The following CRTC1 variants were observed in gnomAD, a reference collection of about 807,000 sequenced individuals.
CRTC1 encodes the protein CREB regulated transcription coactivator 1.
A neutral mutation model predicts 66.1 loss-of-function variants in CRTC1; 18 were observed. The ratio of observed to expected loss-of-function variants is 0.27; its 90% CI spans 0.19 to 0.40. The LOEUF (loss-of-function observed/expected upper bound fraction) is 0.40. CRTC1 is among the 10% of genes least tolerant of loss of function. CRTC1 has a pLI of 1.00. For synonymous variants in CRTC1, 416 were observed against 398.8 expected (o/e 1.04, Z -0.51); for missense variants, 669 against 887.9 (o/e 0.75, Z 3.13).
In CRTC1 at chr19:18,781,116, T is replaced by C. The variant is rs889298387; in HGVS notation, c.*3734T>C. ...GTCTCAGAGGCCGAGGGGCCCTCTG[T>C]GTGGGGGTGGGACGCAGGGGCTCTC... On this transcript the variant is annotated 3_prime_UTR_variant, in exon 14 of 14. Transcript: ENST00000321949. 8.8e-6 allele frequency: 2 copies of C among 227,308 alleles called. No individual in the cohort carries two copies. The highest frequency in any genetic ancestry group is 1.7e-5 in the Non-Finnish European group (2 of 114,414). 14.1% of individuals were successfully genotyped at this position (227,308 alleles called of 1,614,324 possible). A position where few individuals can be genotyped will look rare whatever the true frequency, so the allele number is the denominator to read the frequency against.
Position 18,777,731 on chromosome 19 carries a change from C to T in CRTC1, c.*349C>T. On this transcript the variant is annotated 3_prime_UTR_variant, in exon 14 of 14. Coordinates refer to ENST00000321949, the MANE Select transcript of CRTC1 (RefSeq NM_015321.3). This position sits in a 1 kb window ranked among gnomAD's most constrained non-coding sequence, Gnocchi z 5.5. Reference sequence around the variant, plus strand: ...AAGTGTCAGCTCCCGGCGTGGCGGGCAGGCTCAGGGGAGGGGCGCGCATGG... The same window carrying T: ...AAGTGTCAGCTCCCGGCGTGGCGGGTAGGCTCAGGGGAGGGGCGCGCATGG... The T allele has an allele frequency of 2.8e-6, 1 of 362,782 alleles. No individual in the cohort carries two copies. The highest frequency in any genetic ancestry group is 5.1e-6 in the Non-Finnish European group (1 of 197,184). The allele number at this position is 362,782 out of a possible 1,614,324, so 22.5% of individuals were successfully genotyped here.
At chr19:18,753,053 C>G (rs544786502) in intron 5 of CRTC1, among the ~76,000 whole-genome samples, 6 of 151,878 alleles carry the variant, frequency 4.0e-5, no homozygotes, top group African/African-American at 1.4e-4. Flanking sequence ...ATCATGAGGT[C>G]AGGAGATCGA....
rs764846787 is a variant in CRTC1 at position 18,747,133 on chromosome 19, C to CA, written c.443+19_443+20insA. On this transcript the variant is annotated intron_variant, in intron 4 of 13. Transcript: ENST00000321949. ...GGAGAAGGTCAGTGGCTGGACACCCCCCCCCCGCCCCCTTCTTGTTGGAAA... is the reference window on the plus strand; with the variant it reads ...GGAGAAGGTCAGTGGCTGGACACCCCACCCCCCGCCCCCTTCTTGTTGGAAA... 6 of 815,218 alleles carry CA rather than the reference C, an allele frequency of 7.4e-6. No homozygotes were observed. The highest frequency in any genetic ancestry group is 6.7e-5 in the South Asian group (5 of 74,676). 50.5% of individuals were successfully genotyped at this position (815,218 alleles called of 1,614,324 possible). A position where few individuals can be genotyped will look rare whatever the true frequency, so the allele number is the denominator to read the frequency against.
rs1478283969 is a variant in CRTC1 at position 18,760,098 on chromosome 19, C to A, written c.756C>A (p.Ile252=). The change falls in exon 8 of 14, where the codon ATC becomes ATA. Residue 252 remains isoleucine (I), a synonymous_variant. Transcript: ENST00000321949. The surrounding 1 kb of genome is among the most constrained non-coding windows in gnomAD (Gnocchi z 6.2). ...TGGSLPDLTN[I]HFPSPLPTPL... ...GGTCCCTGCCCGACCTGACCAACAT[C>A]CACTTCCCCTCCCCGCTCCCGACCC... The A allele has an allele frequency of 1.2e-6, 2 of 1,613,926 alleles. No individual in the cohort carries two copies. Among genetic ancestry groups the A allele is most frequent in the East Asian group, 2.2e-5 (1 of 44,874 alleles).
rs930875670 is a variant in CRTC1 at position 18,694,564 on chromosome 19, C to A, written c.126+10736C>A. ...CCTCCCACCTCAGCCCCCTGAGTAGCTGGGACCACAGGTGTTAGCCACCAT... is the reference window on the plus strand; with the variant it reads ...CCTCCCACCTCAGCCCCCTGAGTAGATGGGACCACAGGTGTTAGCCACCAT... On this transcript the variant is annotated intron_variant, in intron 1 of 13. Coordinates refer to ENST00000321949, the MANE Select transcript of CRTC1 (RefSeq NM_015321.3). Among the ~76,000 whole-genome samples, 7 of 152,230 alleles carry A rather than the reference C, an allele frequency of 4.6e-5. No individual in the cohort carries two copies. The East Asian group carries it at 1.4e-3, about 29-fold the overall frequency.
intron 1 of CRTC1, among the ~76,000 whole-genome samples, chr19:18,705,283 A>T (rs2053238054): frequency 6.6e-6 from 1 of 152,058 alleles, no homozygotes; most frequent in Non-Finnish European, 1.5e-5. Context: ...TTTTTTGGGT[A>T]TATTCCCAGA....
At chr19:18,688,501 C>T (rs765905377) in intron 1 of CRTC1, among the ~76,000 whole-genome samples, 9 of 151,868 alleles carry the variant, frequency 5.9e-5, no homozygotes, top group Non-Finnish European at 8.8e-5. Context: ...TGTGGTGGTG[C>T]GATCTTGACT....
intron 3 of CRTC1, 79 bp downstream of exon 3, chr19:18,746,039 T>A (rs1056232916): frequency 9.2e-6 from 14 of 1,518,344 alleles, no homozygotes; most frequent in Middle Eastern, 1.8e-4. Flanking sequence ...CCCAGCAGGT[T>A]CTGACAGGGC....
chr19:18,770,279 G>A (rs935676152), intron 10 of CRTC1, among the ~76,000 whole-genome samples: 4 of 152,234 alleles, frequency 2.6e-5, no homozygotes, highest in African/African-American at 7.2e-5. Context: ...TGAGATGCCC[G>A]GGCCTTTCGT....
At chr19:18,735,458 G>T (rs1395148977) in intron 1 of CRTC1, among the ~76,000 whole-genome samples, 1 of 152,194 alleles carries the variant, frequency 6.6e-6, no homozygotes, top group African/African-American at 2.4e-5. Context: ...GCGCACGCCA[G>T]CTCCTGCAGG....
Position 18,771,667 on chromosome 19 carries a change from C to G in CRTC1, c.1425+121C>G. 1.3e-6 allele frequency: 1 copy of G among 754,084 alleles called. No individual in the cohort carries two copies. Among genetic ancestry groups the G allele is most frequent in the Admixed American group, 2.3e-5 (1 of 43,514 alleles). 46.7% of individuals were successfully genotyped at this position (754,084 alleles called of 1,614,324 possible). Reference sequence around the variant, plus strand: ...CTCCTCATGCATGTCCTCATGCATCCCATCCCGTCCACGCCATCGGACCTG... The same window carrying G: ...CTCCTCATGCATGTCCTCATGCATCGCATCCCGTCCACGCCATCGGACCTG... On this transcript the variant is annotated intron_variant, in intron 11 of 13. Transcript: ENST00000321949. The surrounding 1 kb of genome is among the most constrained non-coding windows in gnomAD (Gnocchi z 4.6).
intron 1 of CRTC1, among the ~76,000 whole-genome samples, chr19:18,701,121 G>GC (rs1188629877): frequency 1.3e-5 from 2 of 152,374 alleles, no homozygotes; most frequent in Non-Finnish European, 2.9e-5. Flanking sequence ...CAAGGAGCCC[G>GC]CTAATCCCTT....
Position 18,740,694 on chromosome 19 carries a change from G to C in CRTC1, c.127-2216G>C, listed in dbSNP as rs188419345. On this transcript the variant is annotated intron_variant, in intron 1 of 13. Transcript: ENST00000321949. ...ACTCCTCATGCAAAACCAAGAATGAGCATGGGGTTCCCCAAAAGAAGAGCA... is the reference window on the plus strand; with the variant it reads ...ACTCCTCATGCAAAACCAAGAATGACCATGGGGTTCCCCAAAAGAAGAGCA... Among the ~76,000 whole-genome samples, 25 of 152,294 alleles carry C rather than the reference G, an allele frequency of 1.6e-4. No individual in the cohort carries two copies. The East Asian group carries it at 4.8e-3, about 29-fold the overall frequency.
chr19:18,709,007 C>T (rs543810995), intron 1 of CRTC1, among the ~76,000 whole-genome samples: 4 of 152,176 alleles, frequency 2.6e-5, no homozygotes, highest in Non-Finnish European at 5.9e-5. Context: ...GGGAAGGCCT[C>T]ATGGGTGCAG....
intron 6 of CRTC1, among the ~76,000 whole-genome samples, chr19:18,754,024 C>T (rs1467631483): frequency 6.6e-6 from 1 of 151,594 alleles, no homozygotes; most frequent in Non-Finnish European, 1.5e-5. Context: ...TCGTTTGAAA[C>T]CTGGAGGCAG....
chr19:18,753,301 AAATAAAT>A (rs1568525258), intron 5 of CRTC1, among the ~76,000 whole-genome samples, 192 bp from the exon 6 acceptor site: 1 of 151,692 alleles, frequency 6.6e-6, no homozygotes, highest in African/African-American at 2.4e-5. Context: ...ATAAATAAAT[AAATAAAT>A]AAAGTTGTTG....
At chr19:18,758,025 TAAATAA>T (rs1042009474) in intron 6 of CRTC1, among the ~76,000 whole-genome samples, 242 of 143,890 alleles carry the variant, frequency 1.7e-3, no homozygotes, top group African/African-American at 5.8e-3. Flanking sequence ...CTCAAAAAAT[TAAATAA>T]AAATAAAAAA....
At chr19:18,715,143 C>T (rs903814566) in intron 1 of CRTC1, among the ~76,000 whole-genome samples, 13 of 152,356 alleles carry the variant, frequency 8.5e-5, no homozygotes, top group South Asian at 4.1e-4. Context: ...TGGGGGCTCC[C>T]GGAGCTCCTT....
chr19:18,760,148 T>G lies in CRTC1; in HGVS notation c.806T>G (p.Phe269Cys). 12 of 1,613,568 alleles carry G rather than the reference T, an allele frequency of 7.4e-6. No homozygotes were observed. The highest frequency in any genetic ancestry group is 1.0e-5 in the Non-Finnish European group (12 of 1,179,824). Residue 269 changes from phenylalanine (F) to cysteine (C), a missense_variant, in exon 8 of 14, where the codon TTC becomes TGC. Physicochemically the swap from Phe to Cys is radical, Grantham distance 205. Around this residue, in one of 8 missense-constraint regions of CRTC1, gnomAD observed 214 missense variants for 323.4 expected, o/e 0.66. Transcript: ENST00000321949. The surrounding 1 kb of genome is among the most constrained non-coding windows in gnomAD (Gnocchi z 6.2). ...PTPLDPEEPTFPALSSSSSTG... is the reference protein window; with the variant it reads ...PTPLDPEEPTCPALSSSSSTG... The stretch of plus-strand genomic sequence containing the variant: ...CCGCTGGACCCCGAGGAGCCCACCT[T>G]CCCTGCACTGAGCAGCTCCAGCAGC...
Sources: allele counts gnomAD v4.1 joint callset (sites outside exome capture counted in the v4.1 genomes callset), GRCh38; gene constraint gnomAD v4.1.1; regional missense constraint gnomAD v4.1.1; non-coding constraint Gnocchi (gnomAD v3.1); transcripts MANE v1.5; gene names NCBI Gene and HGNC (gene_info 2026-07-23, HGNC 2026-07-21).